The following XPO7 variants were observed in gnomAD, a reference collection of about 807,000 sequenced individuals.
XPO7 encodes the protein exportin 7.
In XPO7, 21 loss-of-function variants were observed where a neutral mutation model predicts 144.3. The observed-to-expected ratio is 0.15, with a 90% confidence interval of 0.10 to 0.21. The LOEUF is 0.21. Ranked by LOEUF, XPO7 falls within the 10% of genes least tolerant of loss-of-function variation. The pLI, the probability that XPO7 is intolerant of heterozygous loss-of-function variation, is 1.00. For synonymous variants in XPO7, 580 were observed against 499.6 expected (o/e 1.16, Z -2.15); for missense variants, 808 against 1,325.8 (o/e 0.61, Z 6.06).
chr8:21,937,605 T>G (rs189833947), intron 1 of XPO7, among the ~76,000 whole-genome samples: 1 of 152,270 alleles, frequency 6.6e-6, no homozygotes, highest in East Asian at 1.9e-4. Context: ...GGGAAGGTAT[T>G]TCTTTTTGGA....
At chr8:21,977,672 G>A (rs1267972830) in intron 7 of XPO7, 98 bp from the exon 8 acceptor site, 21 of 1,086,024 alleles carry the variant, frequency 1.9e-5, no homozygotes, top group Non-Finnish European at 2.7e-5. Context: ...AAGATAAGTA[G>A]GCAGAAGGAT....
At chr8:21,949,171 C>T (rs1219803662) in intron 1 of XPO7, among the ~76,000 whole-genome samples, 1 of 152,228 alleles carries the variant, frequency 6.6e-6, no homozygotes, top group Non-Finnish European at 1.5e-5. Context: ...TGAACTGACA[C>T]ATTAGTTCCA....
chr8:21,990,728 G>A (rs1812743902), intron 17 of XPO7, 83 bp from the exon 18 acceptor site: 2 of 1,371,622 alleles, frequency 1.5e-6, no homozygotes, highest in African/African-American at 1.4e-5. Flanking sequence ...GCTTGAAAGG[G>A]CTCAGTAATT....
At position 21,950,338 on chromosome 8, in the gene XPO7, G is replaced by A. The variant is rs999840138; in HGVS notation, c.19-16519G>A. On this transcript the variant is annotated intron_variant, in intron 1 of 27. Transcript: ENST00000252512. ...GGACATTTTCAAAGAAACACCTGAAGGTTTAATTAGCTTTAGTGCCATTCA... is the reference window on the plus strand; with the variant it reads ...GGACATTTTCAAAGAAACACCTGAAAGTTTAATTAGCTTTAGTGCCATTCA... Among the ~76,000 whole-genome samples the A allele has an allele frequency of 3.9e-5, 6 of 152,110 alleles. No individual in the cohort carries two copies. In the East Asian group the frequency reaches 1.2e-3, roughly 29 times the overall value.
intron 14 of XPO7, 132 bp from the exon 15 acceptor site, chr8:21,987,652 C>T: frequency 1.0e-6 from 1 of 999,266 alleles, no homozygotes. Flanking sequence ...TAGCTTATCC[C>T]TTCAGTAAAG....
intron 3 of XPO7, 174 bp downstream of exon 3, chr8:21,969,750 C>T: frequency 2.0e-5 from 13 of 637,880 alleles, no homozygotes; most frequent in South Asian, 1.6e-4. Flanking sequence ...AAGGGCCCGA[C>T]GCAATAACTT....
chr8:21,946,632 A>C (rs1313383037), intron 1 of XPO7, among the ~76,000 whole-genome samples: 2 of 149,364 alleles, frequency 1.3e-5, no homozygotes, highest in African/African-American at 2.5e-5. Flanking sequence ...CCACATATGC[A>C]AAACAGGATT....
chr8:21,956,680 T>C (rs958831618), intron 1 of XPO7, among the ~76,000 whole-genome samples: 1 of 152,106 alleles, frequency 6.6e-6, no homozygotes, highest in Admixed American at 6.5e-5. Context: ...AATATTTTTG[T>C]CTCTGTCATC....
chr8:21,977,078 A>T (rs1239330012), intron 7 of XPO7, among the ~76,000 whole-genome samples: 1 of 152,220 alleles, frequency 6.6e-6, no homozygotes, highest in Non-Finnish European at 1.5e-5. Flanking sequence ...TTTTTGCATT[A>T]ATTGCCTAGA....
chr8:21,956,673 A>G (rs1302575734), intron 1 of XPO7, among the ~76,000 whole-genome samples: 1 of 145,714 alleles, frequency 6.9e-6, no homozygotes, highest in Non-Finnish European at 1.5e-5. Context: ...TCAATAGAAT[A>G]TTTTTGTCTC....
rs556514915 is a variant in XPO7, at chr8:21,943,583, G to A, written c.19-23274G>A. Among the ~76,000 whole-genome samples, 26 of 152,278 alleles carry A rather than the reference G, an allele frequency of 1.7e-4. No homozygotes were observed. In the East Asian group the frequency reaches 2.7e-3, roughly 16 times the overall value. On this transcript the variant is annotated intron_variant, in intron 1 of 27. Coordinates refer to ENST00000252512, the MANE Select transcript of XPO7 (RefSeq NM_015024.5). ...AAGGGTGAGTCATTTTGTTAAACGC[G>A]TAAAACATTCCTTATTTCCTTCCCT...
chr8:21,981,954 A>G (rs991051249), intron 10 of XPO7, 77 bp downstream of exon 10: 2 of 1,569,814 alleles, frequency 1.3e-6, no homozygotes, highest in Non-Finnish European at 1.7e-6. Context: ...ATGTAAGAAT[A>G]TATTTTTTTT....
chr8:21,986,818 T>A (rs1331311344), intron 13 of XPO7, among the ~76,000 whole-genome samples: 2 of 152,236 alleles, frequency 1.3e-5, no homozygotes, highest in Non-Finnish European at 2.9e-5. Context: ...TTATGACATC[T>A]GTATTCGCAT....
At chr8:21,979,396 T>C (rs1014236361) in intron 8 of XPO7, among the ~76,000 whole-genome samples, 1 of 149,682 alleles carries the variant, frequency 6.7e-6, no homozygotes, top group Non-Finnish European at 1.5e-5. Context: ...CTTTTTTTTT[T>C]CTTTTTTTTT....
intron 9 of XPO7, among the ~76,000 whole-genome samples, chr8:21,980,746 GCTTGGGCGACAGAGTAAGACTC>G (rs1376719544): frequency 6.6e-6 from 1 of 150,836 alleles, no homozygotes; most frequent in African/African-American, 2.4e-5. Flanking sequence ...TTGCACTCCA[GCTTGGGCGACAGAGTAAGACTC>G]CGTCTCAAAA....
In XPO7 at chr8:21,997,991, T is replaced by C. The variant is rs191282419; in HGVS notation, c.2346-764T>C. Reference sequence around the variant, plus strand: ...AATGGCCTTCTCTGTCTGGCTTCTTTTGGACCATTCCAAGTCCCTATGCAT... The same window carrying C: ...AATGGCCTTCTCTGTCTGGCTTCTTCTGGACCATTCCAAGTCCCTATGCAT... On this transcript the variant is annotated intron_variant, in intron 21 of 27. Coordinates refer to ENST00000252512, the MANE Select transcript of XPO7 (RefSeq NM_015024.5). 3.9e-5 allele frequency among the ~76,000 whole-genome samples: 6 copies of C among 152,342 alleles called. No individual in the cohort carries two copies. The East Asian group carries it at 1.2e-3, about 29-fold the overall frequency.
chr8:22,000,349 C>G (rs372758462), intron 24 of XPO7, among the ~76,000 whole-genome samples: 1 of 152,086 alleles, frequency 6.6e-6, no homozygotes, highest in African/African-American at 2.4e-5. Context: ...TCCTGAGGGC[C>G]GTGGAAGCTG....
chr8:21,991,686 G>C (rs1812778201), intron 18 of XPO7, 182 bp from the exon 19 acceptor site: 1 of 462,846 alleles, frequency 2.2e-6, no homozygotes, highest in Non-Finnish European at 3.8e-6. Context: ...TCATCTTCTA[G>C]TTTAAAAATT....
chr8:21,989,547 C>A (rs1812690119), intron 16 of XPO7, among the ~76,000 whole-genome samples: 1 of 152,146 alleles, frequency 6.6e-6, no homozygotes, highest in African/African-American at 2.4e-5. Context: ...CAGCTTTTCA[C>A]AACCAGGGGT....
Sources: gnomAD v4.1 joint callset for allele counts (sites outside exome capture counted in the v4.1 genomes callset) on GRCh38, gnomAD v4.1.1 for gene constraint, MANE v1.5 for transcripts, NCBI Gene and HGNC (gene_info 2026-07-23, HGNC 2026-07-21) for gene names.